VPS37A: variants seen among roughly 807,000 people sequenced by gnomAD.
VPS37A encodes vacuolar protein sorting-associated protein 37A.
In VPS37A, 30 loss-of-function variants were observed where a neutral mutation model predicts 49.8. The ratio of observed to expected loss-of-function variants is 0.60; its 90% CI spans 0.45 to 0.82. The LOEUF is 0.82. Ranked by LOEUF, VPS37A falls within the 40% of genes least tolerant of loss-of-function variation. The probability of loss-of-function intolerance (pLI) is 0.00; values close to 1 mark genes in which losing one functional copy is unlikely to be tolerated. For missense variants in VPS37A, 593 were observed against 464.4 expected, an observed-to-expected ratio of 1.28 and a Z score of -2.55; for synonymous variants, 195 against 160.6, an observed-to-expected ratio of 1.21 and a Z score of -1.62.
intron 10 of VPS37A, among the ~76,000 whole-genome samples, chr8:17,285,916 T>C (rs73208586): frequency 2.5e-3 from 384 of 152,222 alleles, no homozygotes; most frequent in Non-Finnish European, 3.9e-3. Flanking sequence ...CGTTTTTTTG[T>C]TTTTTTGGTT....
At chr8:17,283,145 C>G (rs1815246768) in intron 9 of VPS37A, among the ~76,000 whole-genome samples, 1 of 152,036 alleles carries the variant, frequency 6.6e-6, no homozygotes, top group Non-Finnish European at 1.5e-5. Flanking sequence ...CAAAGAGATA[C>G]TACCCCACAT....
chr8:17,269,171 C>T (rs1324656690), intron 4 of VPS37A, among the ~76,000 whole-genome samples: 1 of 152,136 alleles, frequency 6.6e-6, no homozygotes, highest in Non-Finnish European at 1.5e-5. Context: ...GTACTTCTAT[C>T]ACTCGATTCT....
intron 5 of VPS37A, among the ~76,000 whole-genome samples, chr8:17,275,247 ATG>A (rs1814407053): frequency 6.6e-6 from 1 of 152,226 alleles, no homozygotes; most frequent in African/African-American, 2.4e-5. Context: ...TTTACAAAAA[ATG>A]TGATTCTGGT....
At chr8:17,273,022 C>CTTTTTTTTTTTTTTTTTTTTTTTTTTT (rs1563263775) in intron 4 of VPS37A, among the ~76,000 whole-genome samples, 1 of 80,148 alleles carries the variant, frequency 1.2e-5, no homozygotes, top group Non-Finnish European at 2.2e-5. Context: ...TTTTGCCCTT[C>CTTTTTTTTTTTTTTTTTTTTTTTTTTT]CTTTTTTTTT....
chr8:17,310,635 T>C, the VPS37A span, among the ~76,000 whole-genome samples: 2 of 152,138 alleles, frequency 1.3e-5, no homozygotes, highest in Non-Finnish European at 1.5e-5. Context: ...GTCAATGCTA[T>C]CACAGGTAAT....
the VPS37A span, among the ~76,000 whole-genome samples, chr8:17,318,572 A>C: frequency 1.3e-5 from 2 of 152,170 alleles, no homozygotes; most frequent in Non-Finnish European, 2.9e-5. Flanking sequence ...TGGTTCCAGG[A>C]GGAATCGCTG....
At position 17,297,780 on chromosome 8, in the gene VPS37A, A is replaced by G. The variant is rs1212266114; in HGVS notation, c.*2794A>G. The G allele has an allele frequency of 6.6e-6, 1 of 152,038 alleles. No homozygotes were observed. Among genetic ancestry groups the G allele is most frequent in the Admixed American group, 6.5e-5 (1 of 15,268 alleles). The allele number at this position is 152,038 out of a possible 1,614,324, so 9.4% of individuals were successfully genotyped here. On this transcript the variant is annotated 3_prime_UTR_variant, in exon 12 of 12. Transcript: ENST00000324849. The stretch of plus-strand genomic sequence containing the variant: ...TTAGCCATGCTCTGAAGAATCTGTG[A>G]AAGTACAGTAAAGTTTTAATAAGCA...
chr8:17,316,493 T>C, the VPS37A span, among the ~76,000 whole-genome samples: 2 of 151,032 alleles, frequency 1.3e-5, no homozygotes, highest in African/African-American at 4.9e-5. Context: ...TTCTACAGTC[T>C]CCTTGTGGAA....
chr8:17,289,662 G>A (rs193083040), intron 11 of VPS37A, among the ~76,000 whole-genome samples: 17 of 152,200 alleles, frequency 1.1e-4, no homozygotes, highest in East Asian at 3.9e-4. Flanking sequence ...TGTTCTTTTC[G>A]CTGAGGATTG....
At chr8:17,305,857 C>G, downstream of VPS37A, 1 of 1,613,634 alleles carries the variant, frequency 6.2e-7, no homozygotes, top group Non-Finnish European at 8.5e-7. Flanking sequence ...TCATTGAACT[C>G]AAAGGCACAG....
At chr8:17,315,562 C>T in the VPS37A span, among the ~76,000 whole-genome samples, 1 of 152,156 alleles carries the variant, frequency 6.6e-6, no homozygotes, top group Non-Finnish European at 1.5e-5. Context: ...TGCATGTGTG[C>T]AGGCAGGGCT....
the VPS37A span, among the ~76,000 whole-genome samples, chr8:17,308,162 C>T: frequency 6.6e-6 from 1 of 151,750 alleles, no homozygotes; most frequent in Admixed American, 6.6e-5. Context: ...TCAAAATAAA[C>T]TTTACTGCAA....
At chr8:17,300,372 C>T, downstream of VPS37A, 1 of 857,078 alleles carries the variant, frequency 1.2e-6, no homozygotes, top group Non-Finnish European at 1.7e-6. Context: ...ACCTGGACTT[C>T]ACGACCTTGG....
the VPS37A span, among the ~76,000 whole-genome samples, chr8:17,330,700 G>A: frequency 6.6e-6 from 1 of 152,192 alleles, no homozygotes; most frequent in Non-Finnish European, 1.5e-5. Context: ...GTATTGTGGT[G>A]GCTGCTGTTT....
At chr8:17,314,128 T>C in the VPS37A span, among the ~76,000 whole-genome samples, 1 of 152,190 alleles carries the variant, frequency 6.6e-6, no homozygotes, top group African/African-American at 2.4e-5. Context: ...GGAGCTTCTT[T>C]TATTTAACGT....
chr8:17,273,555 A>T (rs1473821563), intron 4 of VPS37A, among the ~76,000 whole-genome samples: 1 of 152,064 alleles, frequency 6.6e-6, no homozygotes, highest in Non-Finnish European at 1.5e-5. Flanking sequence ...TTTAGTAGAG[A>T]CGGGGTTTCA....
intron 6 of VPS37A, among the ~76,000 whole-genome samples, chr8:17,277,883 C>T (rs1474965034): frequency 2.6e-5 from 4 of 151,418 alleles, no homozygotes; most frequent in African/African-American, 9.7e-5. Context: ...CACACACACA[C>T]ACACACACAC....
At chr8:17,302,171 G>A (rs753393049), downstream of VPS37A, 1 of 1,614,114 alleles carries the variant, frequency 6.2e-7, no homozygotes, top group South Asian at 1.1e-5. Flanking sequence ...AGGGCCTCTA[G>A]TTCTTCCTCT....
intron 1 of VPS37A, among the ~76,000 whole-genome samples, chr8:17,264,353 G>C (rs1400219351): frequency 6.6e-6 from 1 of 152,108 alleles, no homozygotes; most frequent in Non-Finnish European, 1.5e-5. Context: ...AAAAATTTAG[G>C]CCATTCTGTT....
Sources: gnomAD v4.1 joint callset for allele counts (sites outside exome capture counted in the v4.1 genomes callset) on GRCh38, gnomAD v4.1.1 for gene constraint, MANE v1.5 for transcripts, NCBI Gene and HGNC (gene_info 2026-07-23, HGNC 2026-07-21) for gene names.